NRG3: variants seen among roughly 807,000 people sequenced by gnomAD.
The protein encoded by NRG3 is neuregulin 3.
NRG3 carries 31 observed loss-of-function variants against 66.9 expected under a neutral mutation model. That is an observed-to-expected ratio of 0.46 (90% CI 0.35 to 0.63). The LOEUF is 0.63. NRG3 is among the 20% of genes least tolerant of loss of function. The pLI is 0.00. For synonymous variants in NRG3, 393 were observed against 359.4 expected (o/e 1.09, Z -1.06); for missense variants, 910 against 878.9 (o/e 1.04, Z -0.45).
chr10:82,732,563 C>G (rs545779451), intron 2 of NRG3, among the ~76,000 whole-genome samples: 1 of 152,242 alleles, frequency 6.6e-6, no homozygotes, highest in South Asian at 2.1e-4. Flanking sequence ...ATATACTTAA[C>G]CTTTCTCAAT....
At chr10:82,389,318 A>G (rs1042802740) in intron 2 of NRG3, among the ~76,000 whole-genome samples, 16 of 152,178 alleles carry the variant, frequency 1.1e-4, no homozygotes, top group Admixed American at 6.6e-4. Flanking sequence ...TGAAAAGTCA[A>G]TCCCTCAGTA....
chr10:82,458,917 A>C (rs777936419), intron 2 of NRG3, among the ~76,000 whole-genome samples: 1 of 152,142 alleles, frequency 6.6e-6, no homozygotes, highest in Non-Finnish European at 1.5e-5. Flanking sequence ...CAGAATTTTC[A>C]GCTGCATTGC....
intron 1 of NRG3, among the ~76,000 whole-genome samples, chr10:81,916,417 G>T (rs1564654860): frequency 1.3e-5 from 2 of 152,184 alleles, no homozygotes; most frequent in South Asian, 2.1e-4. Context: ...TTTGCTAACT[G>T]TATGATACAG....
chr10:81,978,152 T>A (rs1156803513), intron 1 of NRG3, among the ~76,000 whole-genome samples: 1 of 152,186 alleles, frequency 6.6e-6, no homozygotes, highest in Non-Finnish European at 1.5e-5. Context: ...TGTGTATTAT[T>A]TAACAAATCT....
In NRG3 at chr10:81,991,513, A is replaced by G. The variant is rs528100245; in HGVS notation, c.823+115350A>G. ...TTAATGTGGAAATAATCTGGAGTGC[A>G]TACACTGTGTGGGTCCCCCAAAGGC... On this transcript the variant is annotated intron_variant, in intron 1 of 8. Coordinates refer to ENST00000372141, the MANE Select transcript of NRG3 (RefSeq NM_001010848.4). 1.6e-4 allele frequency among the ~76,000 whole-genome samples: 25 copies of G among 152,280 alleles called. No homozygotes were observed. The South Asian group carries it at 1.9e-3, about 11-fold the overall frequency.
At chr10:82,974,877 G>A (rs1293268985) in intron 7 of NRG3, among the ~76,000 whole-genome samples, 2 of 152,144 alleles carry the variant, frequency 1.3e-5, no homozygotes, top group African/African-American at 2.4e-5. Flanking sequence ...GTTACATGAA[G>A]AGGATTTTAT....
At position 82,065,642 on chromosome 10, in the gene NRG3, C is replaced by T. The variant is rs577495253; in HGVS notation, c.823+189479C>T. 5.3e-5 allele frequency among the ~76,000 whole-genome samples: 8 copies of T among 152,000 alleles called. No individual in the cohort carries two copies. In the South Asian group the frequency reaches 1.7e-3, roughly 32 times the overall value. ...GCATTGGGGTTATCAGTAGAGAGTA[C>T]ATAAAGAAAAATGTTTTTAATAATT... On this transcript the variant is annotated intron_variant, in intron 1 of 8. Transcript: ENST00000372141.
chr10:82,963,300 T>C (rs1850860749), intron 6 of NRG3, among the ~76,000 whole-genome samples: 1 of 152,218 alleles, frequency 6.6e-6, no homozygotes, highest in Admixed American at 6.5e-5. Flanking sequence ...ATAGACTTAA[T>C]GTACCCTAAA....
At chr10:82,969,761 G>T (rs1851556812) in intron 6 of NRG3, among the ~76,000 whole-genome samples, 1 of 152,182 alleles carries the variant, frequency 6.6e-6, no homozygotes, top group African/African-American at 2.4e-5. Flanking sequence ...CACCTAATTA[G>T]ATAGTTAATA....
At chr10:82,964,745 A>G (rs549280343) in intron 6 of NRG3, among the ~76,000 whole-genome samples, 8 of 152,286 alleles carry the variant, frequency 5.3e-5, no homozygotes, top group African/African-American at 1.9e-4. Context: ...AAAACTGCCT[A>G]AAAATATCCT....
intron 1 of NRG3, among the ~76,000 whole-genome samples, chr10:81,965,502 C>A (rs551797667): frequency 2.0e-5 from 3 of 152,142 alleles, no homozygotes; most frequent in African/African-American, 7.2e-5. Flanking sequence ...CTTTGATAGG[C>A]ACAGTGGGGT....
intron 1 of NRG3, among the ~76,000 whole-genome samples, chr10:82,191,501 A>G (rs1375385888): frequency 1.3e-5 from 2 of 152,078 alleles, no homozygotes; most frequent in South Asian, 2.1e-4. Flanking sequence ...AGCTACCCCA[A>G]TCCCCATTCC....
At chr10:82,982,241 A>G (rs761888418) in intron 8 of NRG3, among the ~76,000 whole-genome samples, 60 of 152,212 alleles carry the variant, frequency 3.9e-4, no homozygotes, top group Non-Finnish European at 1.5e-4. Context: ...AGTCGCCTAG[A>G]GAAACACAAA....
Position 82,255,851 on chromosome 10 carries a change from G to T in NRG3, c.824-102888G>T, listed in dbSNP as rs562260647. 2.6e-5 allele frequency among the ~76,000 whole-genome samples: 4 copies of T among 152,130 alleles called. No homozygotes were observed. In the East Asian group the frequency reaches 7.7e-4, roughly 29 times the overall value. ...ACTCCTGACCTCAGGTGATCTGCCTGCCTCAGCCTCCCAAACTGCTGGGAT... is the reference window on the plus strand; with the variant it reads ...ACTCCTGACCTCAGGTGATCTGCCTTCCTCAGCCTCCCAAACTGCTGGGAT... On this transcript the variant is annotated intron_variant, in intron 1 of 8. Coordinates refer to ENST00000372141, the MANE Select transcript of NRG3 (RefSeq NM_001010848.4).
At chr10:82,593,705 T>C (rs2047110540) in intron 2 of NRG3, among the ~76,000 whole-genome samples, 1 of 152,146 alleles carries the variant, frequency 6.6e-6, no homozygotes, top group Non-Finnish European at 1.5e-5. Flanking sequence ...AAAAAATAGA[T>C]ACCTACTTTT....
intron 1 of NRG3, among the ~76,000 whole-genome samples, chr10:82,106,522 T>C (rs1175669786): frequency 6.6e-6 from 1 of 152,006 alleles, no homozygotes; most frequent in East Asian, 1.9e-4. Context: ...TTTTTTTTTT[T>C]TGAGATGGAG....
intron 1 of NRG3, among the ~76,000 whole-genome samples, chr10:82,018,940 C>G (rs2061924501): frequency 6.6e-6 from 1 of 152,062 alleles, no homozygotes; most frequent in Non-Finnish European, 1.5e-5. Flanking sequence ...TTTCTCCTGT[C>G]TTATTGCCCT....
intron 3 of NRG3, among the ~76,000 whole-genome samples, chr10:82,738,980 A>AT (rs1331051262): frequency 6.6e-6 from 1 of 152,192 alleles, no homozygotes; most frequent in African/African-American, 2.4e-5. Context: ...AGAGCTTATT[A>AT]TTTACCTGAA....
At chr10:82,913,165 C>T in intron 4 of NRG3, among the ~76,000 whole-genome samples, 1 of 152,080 alleles carries the variant, frequency 6.6e-6, no homozygotes, top group South Asian at 2.1e-4. Flanking sequence ...GCAGAGCTTG[C>T]AGTGAGCTGG....
Sources: gnomAD v4.1 joint callset for allele counts (sites outside exome capture counted in the v4.1 genomes callset) on GRCh38, gnomAD v4.1.1 for gene constraint, MANE v1.5 for transcripts, NCBI Gene and HGNC (gene_info 2026-07-23, HGNC 2026-07-21) for gene names.